Variants in CPED1 observed in about 807,000 individuals in gnomAD.
CPED1 encodes the protein cadherin-like and PC-esterase domain-containing protein 1.
CPED1 carries 114 observed loss-of-function variants against 128.2 expected under a neutral mutation model. The ratio of observed to expected loss-of-function variants is 0.89; its 90% CI spans 0.76 to 1.04. CPED1 has a LOEUF of 1.04. Among genes scored for constraint, CPED1 ranks in the 50% least tolerant of loss-of-function variants. The pLI is 0.00. For missense variants in CPED1, 1,211 were observed against 1,207.1 expected (o/e 1.00, Z -0.05); for synonymous variants, 462 against 426.7 (o/e 1.08, Z -1.02).
chr7:121,150,505 T>C (rs56335989), intron 16 of CPED1, among the ~76,000 whole-genome samples: 66,763 of 151,886 alleles, frequency 0.44, 15,967 homozygotes, highest in East Asian at 0.84. Context: ...AATAGCACTG[T>C]GATGAACATA....
chr7:121,209,477 T>A (rs1474405390), intron 16 of CPED1, among the ~76,000 whole-genome samples: 1 of 152,070 alleles, frequency 6.6e-6, no homozygotes, highest in East Asian at 1.9e-4. Flanking sequence ...TTGTGGAACA[T>A]CTTACTATTG....
chr7:121,258,252 A>G (rs1441387076), intron 18 of CPED1, among the ~76,000 whole-genome samples: 1 of 152,118 alleles, frequency 6.6e-6, no homozygotes, highest in African/African-American at 2.4e-5. Flanking sequence ...TTGTTCATTC[A>G]TTCAATGTTT....
At chr7:121,139,900 T>C (rs1554440102) in intron 14 of CPED1, among the ~76,000 whole-genome samples, 1 of 152,136 alleles carries the variant, frequency 6.6e-6, no homozygotes, top group Non-Finnish European at 1.5e-5. Flanking sequence ...TACTTCAATT[T>C]TACTGATTTT....
chr7:121,124,060 A>G (rs1795446174), intron 7 of CPED1, among the ~76,000 whole-genome samples: 1 of 152,192 alleles, frequency 6.6e-6, no homozygotes. Flanking sequence ...TTCTGATGAC[A>G]AGACTTGCAT....
chr7:121,141,176 C>A (rs1316452136), intron 15 of CPED1, among the ~76,000 whole-genome samples, 163 bp downstream of exon 15: 1 of 151,872 alleles, frequency 6.6e-6, no homozygotes, highest in African/African-American at 2.4e-5. Flanking sequence ...AGATTTGTAA[C>A]CTTTGCAGCT....
At chr7:121,263,899 G>T (rs994040161) in intron 18 of CPED1, among the ~76,000 whole-genome samples, 1 of 151,976 alleles carries the variant, frequency 6.6e-6, no homozygotes, top group East Asian at 1.9e-4. Context: ...CTTTACTATC[G>T]TTATGGACTG....
chr7:121,279,093 G>A (rs1265354297), intron 22 of CPED1, among the ~76,000 whole-genome samples: 2 of 152,030 alleles, frequency 1.3e-5, no homozygotes, highest in Admixed American at 6.6e-5. Context: ...GTGAAAACAG[G>A]TTTTGTTTTT....
intron 16 of CPED1, among the ~76,000 whole-genome samples, chr7:121,169,284 A>C (rs1796600215): frequency 6.6e-6 from 1 of 152,178 alleles, no homozygotes; most frequent in Non-Finnish European, 1.5e-5. Context: ...ATTGGATGAA[A>C]AACTAAGTTC....
intron 16 of CPED1, among the ~76,000 whole-genome samples, chr7:121,164,489 C>G (rs1057481892): frequency 6.6e-6 from 1 of 152,152 alleles, no homozygotes; most frequent in Non-Finnish European, 1.5e-5. Flanking sequence ...TCCCAGAGGG[C>G]TTATTAAAAC....
At chr7:121,107,965 T>G (rs1043362552) in intron 7 of CPED1, among the ~76,000 whole-genome samples, 6 of 152,170 alleles carry the variant, frequency 3.9e-5, no homozygotes, top group African/African-American at 1.2e-4. Flanking sequence ...TGTGATTTAT[T>G]CATTGTAAGT....
intron 7 of CPED1, among the ~76,000 whole-genome samples, chr7:121,120,381 G>A (rs1795354572): frequency 6.6e-6 from 1 of 152,062 alleles, no homozygotes; most frequent in Non-Finnish European, 1.5e-5. Flanking sequence ...GTTCTAATTT[G>A]CATTTCCCTA....
chr7:121,212,975 G>T (rs1226401207), intron 16 of CPED1, among the ~76,000 whole-genome samples: 3 of 151,952 alleles, frequency 2.0e-5, no homozygotes, highest in Non-Finnish European at 4.4e-5. Context: ...TTCCGGGGGG[G>T]TGCAGGAGGG....
intron 3 of CPED1, among the ~76,000 whole-genome samples, chr7:121,036,402 GAAT>G (rs1792889093): frequency 1.3e-5 from 2 of 151,684 alleles, no homozygotes; most frequent in South Asian, 4.2e-4. Flanking sequence ...ACTTCATTTA[GAAT>G]AATAGTCTCC....
At chr7:121,294,116 AT>A (rs1792771539) in intron 22 of CPED1, among the ~76,000 whole-genome samples, 1 of 152,044 alleles carries the variant, frequency 6.6e-6, no homozygotes, top group African/African-American at 2.4e-5. Context: ...CCTGAGTTTG[AT>A]TAACTCAGTA....
intron 2 of CPED1, among the ~76,000 whole-genome samples, chr7:121,015,351 G>A (rs1585018863): frequency 6.6e-6 from 1 of 152,176 alleles, no homozygotes; most frequent in East Asian, 1.9e-4. Context: ...CAGATTAAAG[G>A]CATTGCTATT....
intron 5 of CPED1, among the ~76,000 whole-genome samples, chr7:121,080,880 A>G (rs147381932): frequency 3.9e-5 from 6 of 152,234 alleles, no homozygotes; most frequent in African/African-American, 1.2e-4. Context: ...CAAGTGTTAT[A>G]AAAGAAAAAT....
In CPED1 at chr7:121,097,849, A is replaced by T. The variant is rs1021090605; in HGVS notation, c.749+18A>T. 1.2e-6 allele frequency: 2 copies of T among 1,612,996 alleles called. No individual in the cohort carries two copies. Among genetic ancestry groups the T allele is most frequent in the African/African-American group, 1.3e-5 (1 of 74,896 alleles). On this transcript the variant is annotated intron_variant, in intron 6 of 22. Coordinates refer to ENST00000310396, the MANE Select transcript of CPED1 (RefSeq NM_024913.5). ...GAACAGCTGTAAGCTAATCATTTTG[A>T]ATTGTTATAACCAGCATGCATTGTA...
chr7:121,269,059 C>A (rs934539361), intron 21 of CPED1, among the ~76,000 whole-genome samples: 1 of 151,908 alleles, frequency 6.6e-6, no homozygotes, highest in African/African-American at 2.4e-5. Flanking sequence ...ATGCCAAATA[C>A]AATTCTCAGC....
intron 7 of CPED1, among the ~76,000 whole-genome samples, chr7:121,118,073 G>A (rs1001846758): frequency 1.3e-5 from 2 of 152,102 alleles, no homozygotes; most frequent in Non-Finnish European, 2.9e-5. Context: ...ACCACTATGT[G>A]ATTTTTAACA....
Sources: gnomAD v4.1 joint callset for allele counts (sites outside exome capture counted in the v4.1 genomes callset) on GRCh38, gnomAD v4.1.1 for gene constraint, MANE v1.5 for transcripts, NCBI Gene and HGNC (gene_info 2026-07-23, HGNC 2026-07-21) for gene names.